Variants in DCK observed in about 807,000 individuals in gnomAD.
DCK encodes the protein deoxycytidine kinase.
DCK carries 23 observed loss-of-function variants against 38.3 expected under a neutral mutation model. The ratio of observed to expected loss-of-function variants is 0.60; its 90% CI spans 0.43 to 0.85. DCK has a LOEUF of 0.85. Among genes scored for constraint, DCK ranks in the 40% least tolerant of loss-of-function variants. DCK has a pLI of 0.00. For missense variants in DCK, 259 were observed against 304.4 expected (o/e 0.85, Z 1.11); for synonymous variants, 108 against 100.6 (o/e 1.07, Z -0.44).
At chr4:70,999,657 A>G (rs928547432) in intron 2 of DCK, among the ~76,000 whole-genome samples, 13 of 152,098 alleles carry the variant, frequency 8.5e-5, no homozygotes, top group Non-Finnish European at 1.5e-4. Flanking sequence ...AAGCATTCCT[A>G]TTTCTCCACA....
chr4:70,998,864 A>C (rs192822404), intron 2 of DCK, among the ~76,000 whole-genome samples: 703 of 151,956 alleles, frequency 4.6e-3, no homozygotes, highest in Non-Finnish European at 8.8e-3. Context: ...CGGAGGTTGC[A>C]GTGAGCTGAG....
chr4:71,007,305 A>G (rs985989798), intron 2 of DCK, among the ~76,000 whole-genome samples: 3 of 152,226 alleles, frequency 2.0e-5, no homozygotes, highest in African/African-American at 7.2e-5. Flanking sequence ...TTGACATGAT[A>G]TATCTGTAGA....
At chr4:71,013,230 A>G (rs1218940418) in intron 2 of DCK, among the ~76,000 whole-genome samples, 1 of 152,218 alleles carries the variant, frequency 6.6e-6, no homozygotes, top group Non-Finnish European at 1.5e-5. Flanking sequence ...AAAGAAATGA[A>G]CAAAACCTCC....
chr4:71,016,285 G>A (rs565986875), intron 2 of DCK, among the ~76,000 whole-genome samples: 4 of 152,104 alleles, frequency 2.6e-5, no homozygotes, highest in Non-Finnish European at 5.9e-5. Context: ...AACAAAAGAG[G>A]ACACAAACAA....
At chr4:71,027,589 T>G (rs144980853) in intron 6 of DCK, among the ~76,000 whole-genome samples, 2 of 152,314 alleles carry the variant, frequency 1.3e-5, no homozygotes, top group Admixed American at 6.5e-5. Context: ...TTTTCCTTTC[T>G]TTTGTGGCAT....
intron 2 of DCK, among the ~76,000 whole-genome samples, chr4:71,015,278 G>A (rs1033345195): frequency 6.6e-6 from 1 of 152,186 alleles, no homozygotes; most frequent in Non-Finnish European, 1.5e-5. Flanking sequence ...CTCTGGAATT[G>A]AGGCAATAGT....
chr4:71,004,010 T>C lies in DCK; in HGVS notation c.207+5828T>C, dbSNP rs182464198. Among the ~76,000 whole-genome samples the C allele has an allele frequency of 1.1e-3, 164 of 152,236 alleles. 1 individual carries two copies. The highest frequency in any genetic ancestry group is 3.5e-3 in the African/African-American group (147 of 41,544). ...GCTTTGTTCTCTTGCTGGCGAGGAG[T>C]TGTGGTCCTTTGGAGGAGAAAAGAC... On this transcript the variant is annotated intron_variant, in intron 2 of 6. Coordinates refer to ENST00000286648, the MANE Select transcript of DCK (RefSeq NM_000788.3).
chr4:71,001,759 AGTTTATTTGCGTGGAGGT>A (rs1347992075), intron 2 of DCK, among the ~76,000 whole-genome samples: 3 of 151,976 alleles, frequency 2.0e-5, no homozygotes, highest in African/African-American at 7.2e-5. Flanking sequence ...CAGATTTTCT[AGTTTATTTGCGTGGAGGT>A]GTTTATAGTG....
intron 2 of DCK, among the ~76,000 whole-genome samples, chr4:71,017,977 T>G (rs914875924): frequency 1.3e-5 from 2 of 152,214 alleles, no homozygotes; most frequent in Non-Finnish European, 2.9e-5. Context: ...AAAAATTTAC[T>G]GTAAATGATT....
In DCK at chr4:70,997,351, T is replaced by C. The variant is rs533084054; in HGVS notation, c.92-716T>C. Among the ~76,000 whole-genome samples the C allele has an allele frequency of 8.3e-4, 127 of 152,288 alleles. 3 individuals carry two copies. The South Asian group carries it at 0.026, about 31-fold the overall frequency. ...TTACACTCTCCATACTAAATTTTGGTGGCCAGTGTTTTTACCATGATTAAA... is the reference window on the plus strand; with the variant it reads ...TTACACTCTCCATACTAAATTTTGGCGGCCAGTGTTTTTACCATGATTAAA... On this transcript the variant is annotated intron_variant, in intron 1 of 6. Coordinates refer to ENST00000286648, the MANE Select transcript of DCK (RefSeq NM_000788.3).
intron 2 of DCK, among the ~76,000 whole-genome samples, chr4:71,016,793 T>TAA (rs1340485554): frequency 1.3e-5 from 2 of 152,228 alleles, no homozygotes; most frequent in Non-Finnish European, 2.9e-5. Flanking sequence ...CAAGATGGAT[T>TAA]AAAGACTTAA....
chr4:71,008,830 T>C (rs1001318585), intron 2 of DCK, among the ~76,000 whole-genome samples: 4 of 152,218 alleles, frequency 2.6e-5, no homozygotes, highest in African/African-American at 9.7e-5. Flanking sequence ...ATTAAGGTAA[T>C]TGAATTTAGA....
intron 3 of DCK, 131 bp downstream of exon 3, chr4:71,022,691 A>G: frequency 2.0e-6 from 1 of 494,170 alleles, no homozygotes; most frequent in Middle Eastern, 5.1e-4. Flanking sequence ...ATGGAAAATG[A>G]CATTTAAATC....
At chr4:70,997,512 A>G (rs903273969) in intron 1 of DCK, among the ~76,000 whole-genome samples, 2 of 151,922 alleles carry the variant, frequency 1.3e-5, no homozygotes, top group African/African-American at 4.8e-5. Context: ...TCTGTGTGTA[A>G]TTCTTTAAAG....
chr4:71,009,804 G>A (rs1041124101), intron 2 of DCK, among the ~76,000 whole-genome samples: 47 of 152,154 alleles, frequency 3.1e-4, no homozygotes, highest in African/African-American at 1.1e-3. Context: ...TGTGGAATAT[G>A]AGGATGGTTG....
intron 2 of DCK, among the ~76,000 whole-genome samples, chr4:71,013,444 A>G (rs1421212642): frequency 6.6e-6 from 1 of 152,224 alleles, no homozygotes; most frequent in Non-Finnish European, 1.5e-5. Flanking sequence ...AGCAACTCCA[A>G]GACACATAAT....
intron 6 of DCK, 104 bp from the exon 7 acceptor site, chr4:71,029,248 C>T (rs1185315770): frequency 6.1e-6 from 4 of 659,834 alleles, no homozygotes; most frequent in African/African-American, 3.8e-5. Context: ...GTTACTTATA[C>T]AGCTGGGGTC....
At chr4:71,028,597 A>G (rs1054594643) in intron 6 of DCK, 1 of 346,784 alleles carries the variant, frequency 2.9e-6, no homozygotes, top group African/African-American at 2.4e-5. Flanking sequence ...AGTATTTAAC[A>G]ATATTTCTTT....
chr4:71,003,283 T>TC (rs1187193475), intron 2 of DCK, among the ~76,000 whole-genome samples: 2 of 152,166 alleles, frequency 1.3e-5, no homozygotes, highest in Non-Finnish European at 2.9e-5. Context: ...TGAATGTTAG[T>TC]CCCCACTCTC....
Sources: gnomAD v4.1 joint callset for allele counts (sites outside exome capture counted in the v4.1 genomes callset) on GRCh38, gnomAD v4.1.1 for gene constraint, MANE v1.5 for transcripts, NCBI Gene and HGNC (gene_info 2026-07-23, HGNC 2026-07-21) for gene names.